GRM7: variants seen among roughly 807,000 people sequenced by gnomAD.
GRM7 encodes the protein metabotropic glutamate receptor 7.
A neutral mutation model predicts 84.5 loss-of-function variants in GRM7; 35 were observed. That is an observed-to-expected ratio of 0.41 (90% CI 0.32 to 0.55). GRM7 has a LOEUF of 0.55. GRM7 is among the 20% of genes least tolerant of loss of function. GRM7 has a pLI of 0.19. For synonymous variants in GRM7, 487 were observed against 455.1 expected (o/e 1.07, Z -0.89); for missense variants, 1,003 against 1,194.6 (o/e 0.84, Z 2.36).
chr3:7,605,287 T>C lies in GRM7; in HGVS notation c.2451+25930T>C, dbSNP rs567625305. ...GCTGTGGTTATTTTATTATTGGCAA[T>C]TTGCAAATGTGAAAGATCTAATGAG... On this transcript the variant is annotated intron_variant, in intron 8 of 9. Coordinates refer to ENST00000357716, the MANE Select transcript of GRM7 (RefSeq NM_000844.4). Among the ~76,000 whole-genome samples, 28 of 152,226 alleles carry C rather than the reference T, an allele frequency of 1.8e-4. 2 individuals carry two copies. The highest frequency in any genetic ancestry group is 6.0e-4 in the African/African-American group (25 of 41,552).
At chr3:7,380,870 A>G (rs1411255964) in intron 4 of GRM7, among the ~76,000 whole-genome samples, 1 of 152,210 alleles carries the variant, frequency 6.6e-6, no homozygotes, top group Non-Finnish European at 1.5e-5. Flanking sequence ...TCCTTCCAGT[A>G]TATAACCCTG....
chr3:7,061,594 G>A (rs1697435651), intron 1 of GRM7, among the ~76,000 whole-genome samples: 1 of 151,662 alleles, frequency 6.6e-6, no homozygotes, highest in Non-Finnish European at 1.5e-5. Context: ...GAACAACTAG[G>A]CATATACATG....
At chr3:7,386,882 C>T (rs1274319632) in intron 4 of GRM7, among the ~76,000 whole-genome samples, 4 of 152,198 alleles carry the variant, frequency 2.6e-5, no homozygotes, top group Non-Finnish European at 5.9e-5. Flanking sequence ...TACATTCTCA[C>T]CAATGGTGCG....
At chr3:7,112,400 A>G (rs6778566) in intron 1 of GRM7, among the ~76,000 whole-genome samples, 75,208 of 151,522 alleles carry the variant, frequency 0.5, 19,458 homozygotes, top group African/African-American at 0.63. Context: ...AATTTTTTGT[A>G]TTTTTAGTAG....
intron 7 of GRM7, among the ~76,000 whole-genome samples, chr3:7,511,319 TTAAAATCACACCTGAG>T (rs752393969): frequency 2.0e-4 from 31 of 152,174 alleles, no homozygotes; most frequent in Non-Finnish European, 3.8e-4. Context: ...TGATGCCAAG[TTAAAATCACACCTGAG>T]TAAAATCACA....
intron 8 of GRM7, among the ~76,000 whole-genome samples, chr3:7,660,081 A>G (rs897379672): frequency 2.0e-5 from 3 of 152,262 alleles, no homozygotes; most frequent in African/African-American, 7.2e-5. Flanking sequence ...TAAAAAGCAA[A>G]GTATTAAATA....
At chr3:7,668,684 A>G (rs1472459635) in intron 8 of GRM7, among the ~76,000 whole-genome samples, 1 of 152,258 alleles carries the variant, frequency 6.6e-6, no homozygotes, top group Non-Finnish European at 1.5e-5. Context: ...AGGCCTTGTG[A>G]CAGAAGGAAA....
chr3:7,088,713 T>A (rs1042997706), intron 1 of GRM7, among the ~76,000 whole-genome samples: 1 of 134,982 alleles, frequency 7.4e-6, no homozygotes. Context: ...GAAGCACCAG[T>A]GGTGCGAGTT....
intron 1 of GRM7, among the ~76,000 whole-genome samples, chr3:7,116,502 A>G (rs1171837286): frequency 6.6e-6 from 1 of 152,146 alleles, no homozygotes; most frequent in African/African-American, 2.4e-5. Context: ...CCCTCACCAC[A>G]GTCACATACT....
chr3:7,471,334 CTTCT>C (rs1315611094), intron 7 of GRM7, among the ~76,000 whole-genome samples: 1 of 152,076 alleles, frequency 6.6e-6, no homozygotes, highest in Non-Finnish European at 1.5e-5. Flanking sequence ...CAGGGCTATG[CTTCT>C]TTCTTTGTTT....
At chr3:7,424,847 C>A (rs146223509) in intron 5 of GRM7, among the ~76,000 whole-genome samples, 1 of 152,114 alleles carries the variant, frequency 6.6e-6, no homozygotes, top group African/African-American at 2.4e-5. Context: ...ACAAGTAAGA[C>A]GCTGAGCTAG....
intron 8 of GRM7, chr3:7,607,051 G>T (rs1230397351): frequency 6.6e-6 from 1 of 152,138 alleles, no homozygotes; most frequent in Non-Finnish European, 1.5e-5. Context: ...TAGATTTCCA[G>T]ATTCAGGCAT....
chr3:7,166,389 C>T (rs1213033434), intron 2 of GRM7, among the ~76,000 whole-genome samples: 1 of 152,116 alleles, frequency 6.6e-6, no homozygotes, highest in Non-Finnish European at 1.5e-5. Context: ...AACCTTTTTC[C>T]ATGATAGGAT....
intron 8 of GRM7, among the ~76,000 whole-genome samples, chr3:7,618,036 TAGAAATACCTATAGCACAGAATTATTGA>T (rs1559442870): frequency 1.3e-5 from 2 of 152,142 alleles, no homozygotes; most frequent in Admixed American, 6.6e-5. Flanking sequence ...GAGCAGTGGT[TAGAAATACCTATAGCACAGAATTATTGA>T]AGATAAGAGC....
chr3:7,363,261 A>G (rs1314251167), intron 4 of GRM7, among the ~76,000 whole-genome samples: 1 of 152,070 alleles, frequency 6.6e-6, no homozygotes, highest in Non-Finnish European at 1.5e-5. Flanking sequence ...TGAATCACAA[A>G]AGCCATGGTT....
At position 7,677,278 on chromosome 3, in the gene GRM7, AAAAAAAAAAAAAAAAAC is replaced by A; in HGVS notation, c.2452-2770_2452-2754del. Among the ~76,000 whole-genome samples the A allele has an allele frequency of 2.0e-5, 3 of 149,066 alleles. 1 individual carries two copies. On this transcript the variant is annotated intron_variant, in intron 8 of 9. Coordinates refer to ENST00000357716, the MANE Select transcript of GRM7 (RefSeq NM_000844.4). ...CTCTGTCTTTAAAAAAAAAAAAAAA[AAAAAAAAAAAAAAAAAC>A]TTACATATTACTTATTAATACTATG...
At chr3:7,166,852 C>G (rs934268987) in intron 2 of GRM7, among the ~76,000 whole-genome samples, 1 of 152,110 alleles carries the variant, frequency 6.6e-6, no homozygotes, top group Non-Finnish European at 1.5e-5. Context: ...CCCATGTTGC[C>G]TTAGCATTTA....
intron 8 of GRM7, among the ~76,000 whole-genome samples, chr3:7,628,728 C>G (rs1559449578): frequency 6.6e-6 from 1 of 152,126 alleles, no homozygotes; most frequent in African/African-American, 2.4e-5. Context: ...GAGAGGGGCA[C>G]TGTTTGCAGT....
At chr3:7,063,215 A>C (rs1215187895) in intron 1 of GRM7, among the ~76,000 whole-genome samples, 1 of 151,798 alleles carries the variant, frequency 6.6e-6, no homozygotes, top group African/African-American at 2.4e-5. Context: ...CCTAGAGGAT[A>C]CCACATCGCC....
Sources: gnomAD v4.1 joint callset for allele counts (sites outside exome capture counted in the v4.1 genomes callset) on GRCh38, gnomAD v4.1.1 for gene constraint, MANE v1.5 for transcripts, NCBI Gene and HGNC (gene_info 2026-07-23, HGNC 2026-07-21) for gene names.